The following GEN1 variants were observed in gnomAD, a reference collection of about 807,000 sequenced individuals.
The protein encoded by GEN1 is GEN1 structure-specific endonuclease, also known as flap endonuclease GEN homolog 1.
A neutral mutation model predicts 67.6 loss-of-function variants in GEN1; 64 were observed. The ratio of observed to expected loss-of-function variants is 0.95; its 90% confidence interval spans 0.77 to 1.17. The LOEUF is 1.17. Among genes scored for constraint, GEN1 ranks in the 50% most tolerant of loss-of-function variants. GEN1 has a pLI of 0.00. For missense variants in GEN1, 1,058 were observed against 1,048.3 expected (o/e 1.01, Z -0.13); for synonymous variants, 371 against 359.4 (o/e 1.03, Z -0.37).
At position 17,764,923 on chromosome 2, in the gene GEN1, A is replaced by C. The variant is rs778832705; in HGVS notation, c.375A>C (p.Gly125=). Reference sequence around the variant, plus strand: ...GCCTCCATATGCTCGAATGCTTAGGAATCCCCTGGGTTCAGGCTGCTGGGG... The same window carrying C: ...GCCTCCATATGCTCGAATGCTTAGGCATCCCCTGGGTTCAGGCTGCTGGGG... ...RECLHMLECL[G]IPWVQAAGEA... The change falls in exon 4 of 14, where the codon GGA becomes GGC. Residue 125 remains glycine, a synonymous_variant. Coordinates refer to ENST00000381254, the MANE Select transcript of GEN1 (RefSeq NM_001130009.3). 2 of 1,613,850 alleles carry C rather than the reference A, an allele frequency of 1.2e-6. No individual in the cohort carries two copies. The highest frequency in any genetic ancestry group is 2.7e-5 in the African/African-American group (2 of 74,914).
Position 17,782,007 on chromosome 2 carries a change from G to A in GEN1, c.*68G>A. The A allele has an allele frequency of 1.2e-6, 1 of 830,306 alleles. No homozygotes were observed. The highest frequency in any genetic ancestry group is 2.1e-5 in the South Asian group (1 of 48,382). The allele number at this position is 830,306 out of a possible 1,614,324, so 51.4% of individuals were successfully genotyped here. A position where few individuals can be genotyped will look rare whatever the true frequency, so the allele number is the denominator to read the frequency against. Reference sequence around the variant, plus strand: ...CAGCAATAGCAGAGACAGAGGGAAGGTATCTAGTTCATGTGTGGTAAAAAT... The same window carrying A: ...CAGCAATAGCAGAGACAGAGGGAAGATATCTAGTTCATGTGTGGTAAAAAT... On this transcript the variant is annotated 3_prime_UTR_variant, in exon 14 of 14. Coordinates refer to ENST00000381254, the MANE Select transcript of GEN1 (RefSeq NM_001130009.3).
At chr2:17,777,147 A>G (rs1042890400) in intron 11 of GEN1, among the ~76,000 whole-genome samples, 2 of 152,086 alleles carry the variant, frequency 1.3e-5, no homozygotes, top group African/African-American at 4.8e-5. Context: ...TTTATTTTTT[A>G]AAGTGTTGTT....
At chr2:17,753,983 A>G (rs1671258230), upstream of GEN1, 1 of 152,304 alleles carries the variant, frequency 6.6e-6, no homozygotes, top group Non-Finnish European at 1.5e-5. Flanking sequence ...TGATTTGCCT[A>G]AGTAAAAGGG....
At position 17,780,922 on chromosome 2, in the gene GEN1, CA is replaced by C. The variant is rs1672796219; in HGVS notation, c.1712del (p.Asn571IlefsTer9). On this transcript the variant is annotated frameshift_variant, in exon 14 of 14. Transcript: ENST00000381254. LOFTEE classifies it low-confidence loss of function (END_TRUNC). Reference sequence around the variant, plus strand: ...CTCTAATTTCAGAATCTAGTCAACCCAATACCTCATCTCATAATATATCCGT... The same window carrying C: ...CTCTAATTTCAGAATCTAGTCAACCCATACCTCATCTCATAATATATCCGT... The part of the protein sequence containing the change: ...KSLISESSQP[N>X]TSSHNISVIA... 7.4e-6 allele frequency: 12 copies of C among 1,613,768 alleles called. No homozygotes were observed. The highest frequency in any genetic ancestry group is 1.0e-5 in the Non-Finnish European group (12 of 1,179,912).
At chr2:17,778,310 ATATACACACACACGTGTACATATATG>A (rs1219502537) in intron 12 of GEN1, among the ~76,000 whole-genome samples, 8 of 62,122 alleles carry the variant, frequency 1.3e-4, no homozygotes, top group African/African-American at 6.2e-4. Context: ...ACATATATGT[ATATACACACACACGTGTACATATATG>A]TATACACACA....
intron 3 of GEN1, among the ~76,000 whole-genome samples, chr2:17,763,231 A>G (rs1182798813): frequency 1.3e-5 from 2 of 152,150 alleles, no homozygotes; most frequent in African/African-American, 4.8e-5. Flanking sequence ...ATAGTTTTCA[A>G]TTAGTGAATA....
In GEN1 at chr2:17,780,617, T is replaced by A. The variant is rs935982602; in HGVS notation, c.1409-4T>A. ...TTGATTATATGTATTTTTTTTCTTT[T>A]CAGGTATTAAGCCTAAAGAAAACAA... is the stretch of plus-strand genomic sequence containing the variant. On this transcript the variant is annotated splice_region_variant and splice_polypyrimidine_tract_variant and intron_variant, in intron 13 of 13. Coordinates refer to ENST00000381254, the MANE Select transcript of GEN1 (RefSeq NM_001130009.3). 3.3e-6 allele frequency: 5 copies of A among 1,524,066 alleles called. No individual in the cohort carries two copies. In the African/African-American group the frequency reaches 7.0e-5, roughly 21 times the overall value. 94.4% of individuals were successfully genotyped at this position (1,524,066 alleles called of 1,614,324 possible). A position where few individuals can be genotyped will look rare whatever the true frequency, so the allele number is the denominator to read the frequency against.
At position 17,783,979 on chromosome 2, in the gene GEN1, G is replaced by C. The variant is rs187402942; in HGVS notation, c.*2040G>C. ...TATACCCAAAGCATAGGCAACAAAA[G>C]AGAATACACAAACTGGACTTCATCA... On this transcript the variant is annotated 3_prime_UTR_variant, in exon 14 of 14. Coordinates refer to ENST00000381254, the MANE Select transcript of GEN1 (RefSeq NM_001130009.3). 3 of 152,322 alleles carry C rather than the reference G, an allele frequency of 2.0e-5. No individual in the cohort carries two copies. In the East Asian group the frequency reaches 5.8e-4, roughly 29 times the overall value. 9.4% of individuals were successfully genotyped at this position (152,322 alleles called of 1,614,324 possible). A position where few individuals can be genotyped will look rare whatever the true frequency, so the allele number is the denominator to read the frequency against.
At position 17,771,176 on chromosome 2, in the gene GEN1, A is replaced by G. The variant is rs1342429630; in HGVS notation, c.711-20A>G. The stretch of plus-strand genomic sequence containing the variant: ...GACCTCATTTTTTTTCCTTTTTTTA[A>G]AAACCACTTTCTATTAAAGGTTTAA... On this transcript the variant is annotated intron_variant, in intron 6 of 13. Transcript: ENST00000381254. The G allele has an allele frequency of 7.8e-6, 12 of 1,542,660 alleles. No homozygotes were observed. Among genetic ancestry groups the G allele is most frequent in the Non-Finnish European group, 1.1e-5 (12 of 1,115,698 alleles).
Position 17,788,528 on chromosome 2 carries a change from A to G in GEN1, c.*6589A>G, listed in dbSNP as rs888606613. On this transcript the variant is annotated 3_prime_UTR_variant, in exon 14 of 14. Transcript: ENST00000381254. Reference sequence around the variant, plus strand: ...GTTTAGAAGAATTCCTTTTGTAAGCATCAAAGAAGAACTTTAATAAGGATT... The same window carrying G: ...GTTTAGAAGAATTCCTTTTGTAAGCGTCAAAGAAGAACTTTAATAAGGATT... The G allele has an allele frequency of 2.6e-5, 4 of 152,372 alleles. No homozygotes were observed. The highest frequency in any genetic ancestry group is 2.1e-4 in the South Asian group (1 of 4,826). 9.4% of individuals were successfully genotyped at this position (152,372 alleles called of 1,614,324 possible). A position where few individuals can be genotyped will look rare whatever the true frequency, so the allele number is the denominator to read the frequency against.
chr2:17,778,323 C>CGTGT lies in GEN1; in HGVS notation c.1264+261_1264+264dup, dbSNP rs34822778. Among the ~76,000 whole-genome samples, 116 of 30,874 alleles carry CGTGT rather than the reference C, an allele frequency of 3.8e-3. 11 individuals are homozygous for CGTGT. Among genetic ancestry groups the CGTGT allele is most frequent in the African/African-American group, 0.01 (98 of 9,360 alleles). The allele number at this position is 30,874 out of a possible 152,430, so 20.3% of individuals were successfully genotyped here. The stretch of plus-strand genomic sequence containing the variant: ...GTACATATATGTATATACACACACA[C>CGTGT]GTGTACATATATGTATACACACACA... On this transcript the variant is annotated intron_variant, in intron 12 of 13. Transcript: ENST00000381254.
chr2:17,762,670 ATGAATCATACCCCTGAT>A (rs1671742557), intron 3 of GEN1, among the ~76,000 whole-genome samples: 1 of 152,216 alleles, frequency 6.6e-6, no homozygotes, highest in African/African-American at 2.4e-5. Flanking sequence ...GTATGAAGCT[ATGAATCATACCCCTGAT>A]TGTATATGTT....
chr2:17,778,320 ACACG>A (rs1672608454), intron 12 of GEN1, among the ~76,000 whole-genome samples: 3 of 44,388 alleles, frequency 6.8e-5, no homozygotes, highest in African/African-American at 1.4e-4. Flanking sequence ...ATATACACAC[ACACG>A]TGTACATATA....
In GEN1 at chr2:17,785,962, CT is replaced by C. The variant is rs1673043850; in HGVS notation, c.*4028del. On this transcript the variant is annotated 3_prime_UTR_variant, in exon 14 of 14. Coordinates refer to ENST00000381254, the MANE Select transcript of GEN1 (RefSeq NM_001130009.3). ...TCTAGATTTTATAATGAGGACTCTA[CT>C]TTTTCCTTTTGGGTAGCATGGCTTG... 1 of 152,132 alleles carries C rather than the reference CT, an allele frequency of 6.6e-6. No homozygotes were observed. The highest frequency in any genetic ancestry group is 1.5e-5 in the Non-Finnish European group (1 of 68,020). 9.4% of individuals were successfully genotyped at this position (152,132 alleles called of 1,614,324 possible). A position where few individuals can be genotyped will look rare whatever the true frequency, so the allele number is the denominator to read the frequency against.
At chr2:17,760,645 C>T (rs10439374) in intron 2 of GEN1, among the ~76,000 whole-genome samples, 3,498 of 152,140 alleles carry the variant, frequency 0.023, 146 homozygotes, top group African/African-American at 0.081. Context: ...GGTTTGGCCG[C>T]GTGCAGTGGC....
At chr2:17,764,783 T>G in intron 3 of GEN1, 114 bp from the exon 4 acceptor site, 1 of 977,584 alleles carries the variant, frequency 1.0e-6, no homozygotes, top group Non-Finnish European at 1.4e-6. Flanking sequence ...ATCGTAATTT[T>G]TAAAACACCA....
chr2:17,768,710 A>G, intron 5 of GEN1, 28 bp from the exon 6 acceptor site: 1 of 1,510,512 alleles, frequency 6.6e-7, no homozygotes, highest in Non-Finnish European at 9.2e-7. Context: ...TTAACATTGG[A>G]ATTATTTTTT....
intron 11 of GEN1, among the ~76,000 whole-genome samples, chr2:17,776,361 T>A (rs930325415): frequency 1.3e-5 from 2 of 152,178 alleles, no homozygotes; most frequent in African/African-American, 4.8e-5. Context: ...TGGGGAAATT[T>A]GAATATGGTC....
intron 1 of GEN1, among the ~76,000 whole-genome samples, chr2:17,756,034 A>AT (rs1054394444): frequency 5.9e-4 from 89 of 151,930 alleles, no homozygotes; most frequent in East Asian, 1.7e-3. Context: ...AAATAGAGTG[A>AT]TTTTTTTTTA....
Sources: allele counts gnomAD v4.1 joint callset (sites outside exome capture counted in the v4.1 genomes callset), GRCh38; gene constraint gnomAD v4.1.1; transcripts MANE v1.5; gene names NCBI Gene and HGNC (gene_info 2026-07-23, HGNC 2026-07-21).